The following BMPR1B variants were observed in gnomAD, a reference collection of about 807,000 sequenced individuals.
BMPR1B encodes the protein bone morphogenetic protein receptor type 1B, also known as bone morphogenetic protein receptor type-1B.
Under a neutral mutation model 59.1 loss-of-function variants are expected in BMPR1B, and 12 were observed. The ratio of observed to expected loss-of-function variants is 0.20; its 90% confidence interval spans 0.13 to 0.33. BMPR1B has a LOEUF of 0.33. Ranked by LOEUF, BMPR1B falls within the 10% of genes least tolerant of loss-of-function variation. BMPR1B has a pLI of 1.00. For missense variants in BMPR1B, 550 were observed against 610.9 expected, an observed-to-expected ratio of 0.90 and a Z score of 1.05; for synonymous variants, 237 against 207.3, an observed-to-expected ratio of 1.14 and a Z score of -1.23.
chr4:95,098,309 G>A (rs1357491591), intron 3 of BMPR1B, among the ~76,000 whole-genome samples: 11 of 152,072 alleles, frequency 7.2e-5, no homozygotes, highest in Admixed American at 7.2e-4. Flanking sequence ...ATATATGCAT[G>A]TAATTACCTT....
In BMPR1B at chr4:94,872,428, T is replaced by C. The variant is rs369351041; in HGVS notation, c.-182-3403T>C. Reference sequence around the variant, plus strand: ...GCACGTTTAGTGATGATTGCAAGTATTTGTTTGAAATATAAATTTTGAAAT... The same window carrying C: ...GCACGTTTAGTGATGATTGCAAGTACTTGTTTGAAATATAAATTTTGAAAT... On this transcript the variant is annotated intron_variant, in intron 1 of 12. Transcript: ENST00000515059. 1.9e-4 allele frequency among the ~76,000 whole-genome samples: 29 copies of C among 152,324 alleles called. No homozygotes were observed. In the South Asian group the frequency reaches 4.3e-3, roughly 23 times the overall value.
chr4:94,816,662 A>G (rs1198203616), intron 1 of BMPR1B, among the ~76,000 whole-genome samples: 1 of 152,100 alleles, frequency 6.6e-6, no homozygotes, highest in Non-Finnish European at 1.5e-5. Context: ...AATACTTCTT[A>G]ATTAAAAAAA....
chr4:95,083,358 TAC>T (rs1729320678), intron 3 of BMPR1B, among the ~76,000 whole-genome samples: 1 of 152,116 alleles, frequency 6.6e-6, no homozygotes, highest in African/African-American at 2.4e-5. Context: ...TCATGGTAAG[TAC>T]CATAATCATG....
chr4:95,091,007 T>C (rs1297962330), intron 3 of BMPR1B, among the ~76,000 whole-genome samples: 1 of 152,106 alleles, frequency 6.6e-6, no homozygotes, highest in Non-Finnish European at 1.5e-5. Flanking sequence ...GATTTCTAAA[T>C]GTTTGTGTAG....
chr4:95,105,367 G>A (rs1276945496), intron 4 of BMPR1B, among the ~76,000 whole-genome samples: 3 of 152,038 alleles, frequency 2.0e-5, no homozygotes, highest in Non-Finnish European at 2.9e-5. Context: ...AAGAGAGGGC[G>A]TGGACTTAAA....
chr4:95,146,040 A>G (rs76104652), intron 10 of BMPR1B, among the ~76,000 whole-genome samples: 1,765 of 152,274 alleles, frequency 0.012, 16 homozygotes, highest in South Asian at 0.035. Context: ...GCGAATGGAG[A>G]AGGATTGGGG....
rs546909106 is a variant in BMPR1B at position 95,042,180 on chromosome 4, C to T, written c.-18+46046C>T. Among the ~76,000 whole-genome samples, 317 of 152,188 alleles carry T rather than the reference C, an allele frequency of 2.1e-3. 1 individual carries two copies. The highest frequency in any genetic ancestry group is 2.0e-3 in the Non-Finnish European group (139 of 67,972). On this transcript the variant is annotated intron_variant, in intron 3 of 12. Transcript: ENST00000515059. ...CAATCCAAAACTTTTTGAGTACCCACCTAATACGGTAAGTGGAAAATTCTA... is the reference window on the plus strand; with the variant it reads ...CAATCCAAAACTTTTTGAGTACCCATCTAATACGGTAAGTGGAAAATTCTA...
intron 3 of BMPR1B, among the ~76,000 whole-genome samples, chr4:95,002,946 T>G (rs1722556682): frequency 6.6e-6 from 1 of 152,024 alleles, no homozygotes; most frequent in African/African-American, 2.4e-5. Flanking sequence ...ACTTATTCTT[T>G]TTTTTCCAGC....
At chr4:94,990,018 G>A (rs1308028480) in intron 2 of BMPR1B, among the ~76,000 whole-genome samples, 2 of 152,128 alleles carry the variant, frequency 1.3e-5, no homozygotes, top group Non-Finnish European at 2.9e-5. Context: ...CATAAAATTA[G>A]CATATTAGCA....
At position 95,003,801 on chromosome 4, in the gene BMPR1B, C is replaced by CTTTTTTT. The variant is rs5860385; in HGVS notation, c.-18+7685_-18+7691dup. The stretch of plus-strand genomic sequence containing the variant: ...AAACTTGGATATGACCAAAGTCCAT[C>CTTTTTTT]TTTTTTTTTTTTTTTTTTTTTTTTG... On this transcript the variant is annotated intron_variant, in intron 3 of 12. Coordinates refer to ENST00000515059, the MANE Select transcript of BMPR1B (RefSeq NM_001203.3). Among the ~76,000 whole-genome samples, 132 of 84,530 alleles carry CTTTTTTT rather than the reference C, an allele frequency of 1.6e-3. 1 individual carries two copies. The highest frequency in any genetic ancestry group is 1.7e-3 in the Non-Finnish European group (81 of 48,736). 55.5% of individuals were successfully genotyped at this position (84,530 alleles called of 152,430 possible). A position where few individuals can be genotyped will look rare whatever the true frequency, so the allele number is the denominator to read the frequency against.
chr4:94,818,811 A>G (rs1023594358), intron 1 of BMPR1B, among the ~76,000 whole-genome samples: 1 of 152,128 alleles, frequency 6.6e-6, no homozygotes, highest in Non-Finnish European at 1.5e-5. Context: ...TAGTGGATGT[A>G]TAGAAAAGAA....
At chr4:94,786,562 G>A (rs1315017028) in intron 1 of BMPR1B, among the ~76,000 whole-genome samples, 3 of 151,958 alleles carry the variant, frequency 2.0e-5, no homozygotes, top group East Asian at 1.9e-4. Flanking sequence ...TTTTTGAGAC[G>A]GAGTCTCGCT....
At chr4:95,084,451 A>G (rs1729415238) in intron 3 of BMPR1B, among the ~76,000 whole-genome samples, 2 of 151,984 alleles carry the variant, frequency 1.3e-5, no homozygotes, top group South Asian at 2.1e-4. Flanking sequence ...TTATCCCTCT[A>G]TAATCTTAGG....
chr4:94,797,070 G>A (rs1723221194), intron 1 of BMPR1B, among the ~76,000 whole-genome samples: 1 of 152,200 alleles, frequency 6.6e-6, no homozygotes, highest in South Asian at 2.1e-4. Context: ...ACATGGCTGG[G>A]GAGGCCTCAG....
chr4:94,782,070 A>T (rs985148171), intron 1 of BMPR1B, among the ~76,000 whole-genome samples: 1 of 151,584 alleles, frequency 6.6e-6, no homozygotes, highest in Non-Finnish European at 1.5e-5. Context: ...CTCTTCTTAA[A>T]ATGAATTTGT....
intron 2 of BMPR1B, among the ~76,000 whole-genome samples, chr4:94,938,479 A>G (rs1203692269): frequency 6.6e-6 from 1 of 151,892 alleles, no homozygotes; most frequent in Admixed American, 6.6e-5. Context: ...TGGGTCACAG[A>G]GCGAGACTGT....
Position 94,789,164 on chromosome 4 carries a change from A to G in BMPR1B, c.-183+31096A>G, listed in dbSNP as rs1408353257. On this transcript the variant is annotated intron_variant, in intron 1 of 12. Coordinates refer to ENST00000515059, the MANE Select transcript of BMPR1B (RefSeq NM_001203.3). ...AGTCCAATTTTCGTTGCACATCACA[A>G]TCCGATTGAGAAATGGTTCAGTGTT... Among the ~76,000 whole-genome samples the G allele has an allele frequency of 3.3e-5, 5 of 152,292 alleles. No individual in the cohort carries two copies. The East Asian group carries it at 5.8e-4, about 18-fold the overall frequency.
At chr4:95,002,899 GTTA>G (rs1308551004) in intron 3 of BMPR1B, among the ~76,000 whole-genome samples, 1 of 151,622 alleles carries the variant, frequency 6.6e-6, no homozygotes, top group East Asian at 1.9e-4. Context: ...GTGAATTTGA[GTTA>G]TTACCTTTTC....
intron 1 of BMPR1B, among the ~76,000 whole-genome samples, chr4:94,851,422 A>G (rs1725562859): frequency 6.6e-6 from 1 of 152,186 alleles, no homozygotes; most frequent in Admixed American, 6.5e-5. Flanking sequence ...TGCAGTAGAT[A>G]CTAAGTAGAC....
Sources: allele counts gnomAD v4.1 joint callset (sites outside exome capture counted in the v4.1 genomes callset), GRCh38; gene constraint gnomAD v4.1.1; transcripts MANE v1.5; gene names NCBI Gene and HGNC (gene_info 2026-07-23, HGNC 2026-07-21).